Variants in SLC35F4 observed in about 807,000 individuals in gnomAD.
SLC35F4 encodes solute carrier family 35 member F4.
A neutral mutation model predicts 44.2 loss-of-function variants in SLC35F4; 24 were observed. The observed-to-expected ratio is 0.54, with a 90% confidence interval of 0.39 to 0.76. The LOEUF is 0.76. Ranked by LOEUF, SLC35F4 falls within the 30% of genes least tolerant of loss-of-function variation. SLC35F4 has a pLI of 0.00. For missense variants in SLC35F4, 562 were observed against 586.1 expected (o/e 0.96, Z 0.42); for synonymous variants, 238 against 223.6 (o/e 1.06, Z -0.57).
intron 1 of SLC35F4, among the ~76,000 whole-genome samples, chr14:57,957,259 G>T (rs1470832945): frequency 1.3e-5 from 2 of 151,996 alleles, no homozygotes; most frequent in Non-Finnish European, 2.9e-5. Context: ...TGGACATAGG[G>T]AGGGGAATAT....
At chr14:57,706,715 T>C (rs934533248) in intron 1 of SLC35F4, among the ~76,000 whole-genome samples, 1 of 152,136 alleles carries the variant, frequency 6.6e-6, no homozygotes, top group Non-Finnish European at 1.5e-5. Flanking sequence ...GAACAGCATG[T>C]ACCACCAAGA....
chr14:57,581,230 C>T lies in SLC35F4; in HGVS notation c.791G>A (p.Arg264Lys), dbSNP rs138053511. The change falls in exon 4 of 8, where the codon AGG (arginine) becomes AAG (lysine). Residue 264 changes from arginine to lysine, a missense_variant. By Grantham distance (26) the Arg-to-Lys change is conservative. Transcript: ENST00000556826. The stretch of plus-strand genomic sequence containing the variant: ...TGCCATTACCCTCACTCCCATGAAC[C>T]TGTCTTTCAGCACAATCCATGACAG... ...FLLSWIVLKD[R>K]FMGVRIVAAI... 1.0e-5 allele frequency: 16 copies of T among 1,580,292 alleles called. No homozygotes were observed. In the East Asian group the frequency reaches 3.6e-4, roughly 36 times the overall value.
intron 3 of SLC35F4, among the ~76,000 whole-genome samples, chr14:57,585,669 A>G (rs1387558553): frequency 6.6e-6 from 1 of 152,160 alleles, no homozygotes; most frequent in Non-Finnish European, 1.5e-5. Flanking sequence ...TCAATGTGCA[A>G]ATATCACAAG....
chr14:57,664,397 C>CTATT (rs1414068746), intron 1 of SLC35F4, among the ~76,000 whole-genome samples: 2 of 151,986 alleles, frequency 1.3e-5, no homozygotes, highest in Admixed American at 6.6e-5. Context: ...CAGTCCAGTT[C>CTATT]TATTTATTTA....
intron 1 of SLC35F4, among the ~76,000 whole-genome samples, chr14:57,921,568 C>T (rs1256252299): frequency 6.6e-6 from 1 of 152,156 alleles, no homozygotes; most frequent in Non-Finnish European, 1.5e-5. Flanking sequence ...TGGATTGTCG[C>T]CCAGTTCTGG....
At chr14:57,724,156 G>A (rs1331795946) in intron 1 of SLC35F4, among the ~76,000 whole-genome samples, 2 of 152,206 alleles carry the variant, frequency 1.3e-5, no homozygotes, top group Non-Finnish European at 2.9e-5. Flanking sequence ...TTTGAGTGGG[G>A]TACAGAACAG....
chr14:57,584,442 T>C (rs551465626), intron 3 of SLC35F4, among the ~76,000 whole-genome samples: 29 of 145,482 alleles, frequency 2.0e-4, no homozygotes, highest in Non-Finnish European at 3.6e-4. Context: ...CGGGAGTAAC[T>C]TCTGGAGTAA....
At chr14:57,946,177 T>C (rs1320955452) in intron 1 of SLC35F4, among the ~76,000 whole-genome samples, 1 of 152,200 alleles carries the variant, frequency 6.6e-6, no homozygotes, top group East Asian at 1.9e-4. Flanking sequence ...GCTTTTGGTT[T>C]CTTGGTCTTG....
At chr14:57,698,784 CCTGA>C (rs2075453357) in intron 1 of SLC35F4, among the ~76,000 whole-genome samples, 1 of 152,012 alleles carries the variant, frequency 6.6e-6, no homozygotes, top group Middle Eastern at 3.4e-3. Flanking sequence ...ACCACAGGTG[CCTGA>C]CTAATTTTTG....
At chr14:57,784,155 C>T (rs533454222) in intron 1 of SLC35F4, among the ~76,000 whole-genome samples, 2 of 152,274 alleles carry the variant, frequency 1.3e-5, no homozygotes, top group African/African-American at 2.4e-5. Context: ...ATAGGTATCA[C>T]ACCAGAGGAA....
chr14:57,757,417 G>A lies in SLC35F4; in HGVS notation c.103+108306C>T, dbSNP rs141361818. 7.8e-4 allele frequency among the ~76,000 whole-genome samples: 119 copies of A among 151,938 alleles called. 1 individual carries two copies. The highest frequency in any genetic ancestry group is 2.5e-3 in the African/African-American group (104 of 41,490). ...CATGTTGATATTTGTTTTTATTAGC[G>A]CCATCTGTTCTATGTTCTGTTTTTC... On this transcript the variant is annotated intron_variant, in intron 1 of 7. Transcript: ENST00000556826.
intron 1 of SLC35F4, among the ~76,000 whole-genome samples, chr14:57,629,574 G>C (rs1201056434): frequency 6.6e-6 from 1 of 152,082 alleles, no homozygotes; most frequent in Non-Finnish European, 1.5e-5. Context: ...TTTTGATGAA[G>C]GATGATTTAG....
intron 1 of SLC35F4, among the ~76,000 whole-genome samples, chr14:57,764,682 T>C (rs923074648): frequency 6.6e-6 from 1 of 152,164 alleles, no homozygotes; most frequent in Non-Finnish European, 1.5e-5. Context: ...TTTAGGAAAA[T>C]GTAAATACTG....
chr14:57,629,490 A>C (rs1459146733), intron 1 of SLC35F4, among the ~76,000 whole-genome samples: 5 of 152,132 alleles, frequency 3.3e-5, no homozygotes, highest in African/African-American at 7.2e-5. Flanking sequence ...AAGAACATAC[A>C]ATATCTTCCA....
At chr14:57,745,174 C>G (rs2076721976) in intron 1 of SLC35F4, among the ~76,000 whole-genome samples, 1 of 152,158 alleles carries the variant, frequency 6.6e-6, no homozygotes, top group Non-Finnish European at 1.5e-5. Flanking sequence ...TAGGCATGGG[C>G]AAGGACTTCA....
Position 57,811,164 on chromosome 14 carries a change from A to T in SLC35F4, c.103+54559T>A, listed in dbSNP as rs77625848. ...TGAACTTAACTACCCAGTATTTATCACTTGAATAGAATAATTTTTCCTCAT... is the reference window on the plus strand; with the variant it reads ...TGAACTTAACTACCCAGTATTTATCTCTTGAATAGAATAATTTTTCCTCAT... On this transcript the variant is annotated intron_variant, in intron 1 of 7. Coordinates refer to ENST00000556826, the MANE Select transcript of SLC35F4 (RefSeq NM_001306087.2). 2.9e-3 allele frequency among the ~76,000 whole-genome samples: 448 copies of T among 152,288 alleles called. 1 individual carries two copies. The highest frequency in any genetic ancestry group is 5.3e-3 in the Non-Finnish European group (358 of 68,020).
intron 1 of SLC35F4, among the ~76,000 whole-genome samples, chr14:57,717,433 G>A (rs765565456): frequency 3.3e-5 from 5 of 152,118 alleles, no homozygotes; most frequent in African/African-American, 1.2e-4. Flanking sequence ...TCAGGAGATC[G>A]AGACCATCCT....
chr14:57,642,083 G>A (rs2073270562), intron 1 of SLC35F4, among the ~76,000 whole-genome samples: 1 of 152,060 alleles, frequency 6.6e-6, no homozygotes, highest in Admixed American at 6.6e-5. Flanking sequence ...AGATTCATTA[G>A]AGTTTAATTG....
chr14:57,694,129 C>T (rs141527466), intron 1 of SLC35F4, among the ~76,000 whole-genome samples: 2,056 of 152,212 alleles, frequency 0.014, 22 homozygotes, highest in Non-Finnish European at 0.021. Context: ...AGAAATAGAA[C>T]ATTGGGAGTA....
Sources: gnomAD v4.1 joint callset for allele counts (sites outside exome capture counted in the v4.1 genomes callset) on GRCh38, gnomAD v4.1.1 for gene constraint, MANE v1.5 for transcripts, NCBI Gene and HGNC (gene_info 2026-07-23, HGNC 2026-07-21) for gene names.